Variants in ABTB3 observed in about 807,000 individuals in gnomAD.
ABTB3 encodes the protein ankyrin repeat and BTB domain containing 3.
the ABTB3 span, chr12:107,618,421 A>G: frequency 6.5e-7 from 1 of 1,531,768 alleles, no homozygotes; most frequent in South Asian, 1.2e-5. Context: ...TGGTGCCCCC[A>G]GCTTTAGGTC....
chr12:107,329,048 G>A, the ABTB3 span, among the ~76,000 whole-genome samples: 1 of 152,168 alleles, frequency 6.6e-6, no homozygotes, highest in African/African-American at 2.4e-5. Flanking sequence ...GGAAATAGCT[G>A]GCTTTATCGT....
the ABTB3 span, among the ~76,000 whole-genome samples, chr12:107,394,877 G>C: frequency 3.0e-4 from 45 of 152,226 alleles, no homozygotes; most frequent in African/African-American, 1.1e-3. Context: ...AGGGTGGCCT[G>C]TGACTCCCAG....
the ABTB3 span, among the ~76,000 whole-genome samples, chr12:107,375,637 G>A: frequency 5.3e-5 from 8 of 152,240 alleles, no homozygotes; most frequent in East Asian, 1.2e-3. Flanking sequence ...CTGGGCTCAG[G>A]TTCCTGGTCT....
chr12:107,432,598 G>C, the ABTB3 span, among the ~76,000 whole-genome samples: 1 of 152,148 alleles, frequency 6.6e-6, no homozygotes, highest in African/African-American at 2.4e-5. Context: ...GGACAGAGGA[G>C]GTGTCTAATA....
At chr12:107,427,209 T>G in the ABTB3 span, among the ~76,000 whole-genome samples, 1 of 152,106 alleles carries the variant, frequency 6.6e-6, no homozygotes, top group Non-Finnish European at 1.5e-5. Flanking sequence ...CCTTGGCTTG[T>G]GGGTGCACCA....
chr12:107,656,545 T>C, the ABTB3 span, among the ~76,000 whole-genome samples: 2 of 152,284 alleles, frequency 1.3e-5, no homozygotes, highest in African/African-American at 4.8e-5. Flanking sequence ...TTCAGGCCTA[T>C]AGTTTGCCAA....
At chr12:107,337,555 G>A in the ABTB3 span, among the ~76,000 whole-genome samples, 1 of 152,218 alleles carries the variant, frequency 6.6e-6, no homozygotes, top group South Asian at 2.1e-4. Context: ...TGATGTCGGT[G>A]TTACTAGTTC....
the ABTB3 span, among the ~76,000 whole-genome samples, chr12:107,424,073 TCAGCTAATGC>T: frequency 6.6e-6 from 1 of 152,322 alleles, no homozygotes; most frequent in Non-Finnish European, 1.5e-5. Context: ...GTGGGAGGAC[TCAGCTAATGC>T]CATTACCTTG....
the ABTB3 span, among the ~76,000 whole-genome samples, chr12:107,386,721 C>A: frequency 6.6e-6 from 1 of 152,098 alleles, no homozygotes; most frequent in African/African-American, 2.4e-5. Flanking sequence ...GGGTGGGTGT[C>A]CCTGAGCGGC....
chr12:107,324,935 T>A, the ABTB3 span, among the ~76,000 whole-genome samples: 3 of 152,168 alleles, frequency 2.0e-5, no homozygotes, highest in African/African-American at 7.2e-5. Context: ...TTCTCATCTG[T>A]ACAGTGAGGA....
At chr12:107,420,030 C>T in the ABTB3 span, among the ~76,000 whole-genome samples, 1 of 152,184 alleles carries the variant, frequency 6.6e-6, no homozygotes, top group Non-Finnish European at 1.5e-5. Context: ...GAGAGGTTGG[C>T]AGTGGGGAAC....
chr12:107,319,444 C>T, the ABTB3 span: 2 of 1,607,614 alleles, frequency 1.2e-6, no homozygotes. Flanking sequence ...CCATGGAGAT[C>T]GTGCTGTCCT....
At chr12:107,580,363 G>A in the ABTB3 span, among the ~76,000 whole-genome samples, 3 of 152,246 alleles carry the variant, frequency 2.0e-5, no homozygotes, top group Non-Finnish European at 2.9e-5. Flanking sequence ...GCACAAATGC[G>A]TTGCACTTAG....
At chr12:107,522,998 A>G in the ABTB3 span, among the ~76,000 whole-genome samples, 4 of 152,182 alleles carry the variant, frequency 2.6e-5, no homozygotes, top group Non-Finnish European at 4.4e-5. Flanking sequence ...TTATGATCCA[A>G]TTGATTATCA....
the ABTB3 span, among the ~76,000 whole-genome samples, chr12:107,360,055 A>G: frequency 2.6e-5 from 4 of 152,202 alleles, no homozygotes; most frequent in Non-Finnish European, 5.9e-5. Flanking sequence ...GCTGAGTTAT[A>G]AAATCCAGTG....
the ABTB3 span, among the ~76,000 whole-genome samples, chr12:107,604,177 A>G: frequency 6.6e-6 from 1 of 151,860 alleles, no homozygotes; most frequent in Non-Finnish European, 1.5e-5. Context: ...TCAAAAAAAA[A>G]TGAGTGAAGG....
At chr12:107,477,182 CACCTCTG>C in the ABTB3 span, among the ~76,000 whole-genome samples, 3 of 152,168 alleles carry the variant, frequency 2.0e-5, no homozygotes, top group Non-Finnish European at 4.4e-5. Context: ...TTCCACCTCT[CACCTCTG>C]ACCCTGTGAC....
the ABTB3 span, among the ~76,000 whole-genome samples, chr12:107,633,375 C>A: frequency 6.6e-6 from 1 of 152,180 alleles, no homozygotes; most frequent in Non-Finnish European, 1.5e-5. Flanking sequence ...ACTTTATAAG[C>A]CACCCAGTTT....
At chr12:107,387,972 CTTTTTTT>C in the ABTB3 span, among the ~76,000 whole-genome samples, 4 of 120,206 alleles carry the variant, frequency 3.3e-5, no homozygotes, top group African/African-American at 1.3e-4. Context: ...TCTTCTTCTT[CTTTTTTT>C]TTTTTTTTTT....
Sources: allele counts gnomAD v4.1 joint callset (sites outside exome capture counted in the v4.1 genomes callset), GRCh38; gene constraint gnomAD v4.1.1; transcripts MANE v1.5; gene names NCBI Gene and HGNC (gene_info 2026-07-23, HGNC 2026-07-21).